Variants in HS2ST1 observed in about 807,000 individuals in gnomAD.
HS2ST1 encodes the protein 2-O-sulfotransferase.
HS2ST1 carries 18 observed loss-of-function variants against 42.9 expected under a neutral mutation model. That is an observed-to-expected ratio of 0.42 (90% CI 0.29 to 0.62). HS2ST1 has a LOEUF of 0.62. Among genes scored for constraint, HS2ST1 ranks in the 20% least tolerant of loss-of-function variants. The probability of loss-of-function intolerance (pLI) is 0.21; values close to 1 mark genes in which losing one functional copy is unlikely to be tolerated. For synonymous variants in HS2ST1, 146 were observed against 152.9 expected (o/e 0.95, Z 0.33); for missense variants, 334 against 433.8 (o/e 0.77, Z 2.04).
At chr1:86,916,926 C>T (rs1222514785) in intron 1 of HS2ST1, among the ~76,000 whole-genome samples, 2 of 152,094 alleles carry the variant, frequency 1.3e-5, no homozygotes, top group African/African-American at 4.8e-5. Context: ...ACATTTCTTT[C>T]CCCATATACT....
At position 87,109,652 on chromosome 1, in the gene HS2ST1, G is replaced by A. The variant is rs1416436537; in HGVS notation, c.*4956G>A. ...TCATTGCTTTGAGCAATGCTTGATT[G>A]ATTCTATTTATATTATATGATATTG... On this transcript the variant is annotated 3_prime_UTR_variant, in exon 7 of 7. Coordinates refer to ENST00000370550, the MANE Select transcript of HS2ST1 (RefSeq NM_012262.4). 2 of 151,786 alleles carry A rather than the reference G, an allele frequency of 1.3e-5. No individual in the cohort carries two copies. Among genetic ancestry groups the A allele is most frequent in the African/African-American group, 4.8e-5 (2 of 41,340 alleles). 9.4% of individuals were successfully genotyped at this position (151,786 alleles called of 1,614,324 possible).
At chr1:87,095,329 G>C (rs1433145331) in intron 4 of HS2ST1, among the ~76,000 whole-genome samples, 1 of 152,118 alleles carries the variant, frequency 6.6e-6, no homozygotes, top group African/African-American at 2.4e-5. Context: ...TAGATTCTTT[G>C]CACCTCAAGT....
At chr1:87,021,332 A>T (rs1649943564) in intron 1 of HS2ST1, among the ~76,000 whole-genome samples, 1 of 152,174 alleles carries the variant, frequency 6.6e-6, no homozygotes, top group Admixed American at 6.5e-5. Context: ...TCCCCCCTCT[A>T]GTCAATATTT....
At chr1:87,080,567 T>C (rs935469587) in intron 2 of HS2ST1, among the ~76,000 whole-genome samples, 1 of 151,942 alleles carries the variant, frequency 6.6e-6, no homozygotes, top group Non-Finnish European at 1.5e-5. Flanking sequence ...GAACATCAAA[T>C]TGAAAAACTA....
intron 3 of HS2ST1, among the ~76,000 whole-genome samples, chr1:87,089,457 T>A (rs1651887999): frequency 6.6e-6 from 1 of 152,040 alleles, no homozygotes; most frequent in South Asian, 2.1e-4. Context: ...TACCTGAGCT[T>A]TGTTGAGAAA....
intron 1 of HS2ST1, among the ~76,000 whole-genome samples, chr1:86,928,936 T>C (rs1660477784): frequency 6.6e-6 from 1 of 151,960 alleles, no homozygotes; most frequent in Admixed American, 6.6e-5. Context: ...ATAGATAAGA[T>C]GCCATCGTGT....
intron 2 of HS2ST1, 134 bp from the exon 3 acceptor site, chr1:87,084,060 C>G: frequency 1.9e-6 from 1 of 520,564 alleles, no homozygotes; most frequent in Non-Finnish European, 3.4e-6. Context: ...GTATACTTTC[C>G]TTAGTCCAAA....
chr1:87,027,750 C>T (rs1333963753), intron 1 of HS2ST1, among the ~76,000 whole-genome samples: 11 of 152,142 alleles, frequency 7.2e-5, no homozygotes, highest in Non-Finnish European at 8.8e-5. Context: ...TGCAGTGGCA[C>T]GATCTTGGCT....
intron 1 of HS2ST1, among the ~76,000 whole-genome samples, chr1:86,925,649 G>C (rs1193551560): frequency 6.6e-6 from 1 of 152,176 alleles, no homozygotes; most frequent in Non-Finnish European, 1.5e-5. Flanking sequence ...CATGAGAACA[G>C]AATGGGAAAG....
At chr1:87,025,996 T>TA (rs555801179) in intron 1 of HS2ST1, among the ~76,000 whole-genome samples, 15 of 152,310 alleles carry the variant, frequency 9.8e-5, no homozygotes, top group South Asian at 2.1e-4. Context: ...GATACTGTGT[T>TA]AAAAAAATAT....
chr1:87,021,576 A>G (rs1482402131), intron 1 of HS2ST1, among the ~76,000 whole-genome samples: 1 of 152,182 alleles, frequency 6.6e-6, no homozygotes, highest in Non-Finnish European at 1.5e-5. Context: ...GTACAATGGC[A>G]CAATCACTAC....
intron 1 of HS2ST1, among the ~76,000 whole-genome samples, chr1:87,060,541 T>C (rs1188511300): frequency 2.0e-5 from 3 of 152,128 alleles, no homozygotes; most frequent in Non-Finnish European, 4.4e-5. Context: ...TAAATGGGGA[T>C]AATAATTCTG....
intron 1 of HS2ST1, among the ~76,000 whole-genome samples, chr1:86,919,451 T>G: frequency 6.6e-6 from 1 of 152,234 alleles, no homozygotes; most frequent in African/African-American, 2.4e-5. Flanking sequence ...TACATTTGGC[T>G]CTTTAAACCA....
intron 1 of HS2ST1, among the ~76,000 whole-genome samples, chr1:86,937,185 C>T (rs1052330267): frequency 6.6e-5 from 10 of 151,852 alleles, no homozygotes; most frequent in Non-Finnish European, 8.8e-5. Context: ...CTGATATTCC[C>T]GAATTTAAAT....
chr1:86,932,712 T>C (rs897907010), intron 1 of HS2ST1, among the ~76,000 whole-genome samples: 2 of 152,158 alleles, frequency 1.3e-5, no homozygotes, highest in Non-Finnish European at 2.9e-5. Context: ...AAGTGGGATC[T>C]CTTTTCAAGG....
chr1:87,072,766 C>T (rs1441449532), intron 1 of HS2ST1, among the ~76,000 whole-genome samples, 168 bp from the exon 2 acceptor site: 4 of 152,120 alleles, frequency 2.6e-5, no homozygotes, highest in Non-Finnish European at 5.9e-5. Context: ...CAACTAGATC[C>T]TCTTAGAAAC....
intron 1 of HS2ST1, among the ~76,000 whole-genome samples, chr1:86,945,878 G>A (rs1236790711): frequency 6.6e-6 from 1 of 152,018 alleles, no homozygotes; most frequent in East Asian, 1.9e-4. Context: ...AGACCACCCT[G>A]GGCAGCATGG....
intron 1 of HS2ST1, among the ~76,000 whole-genome samples, chr1:86,939,792 G>A (rs934458447): frequency 3.3e-5 from 5 of 152,168 alleles, no homozygotes; most frequent in Non-Finnish European, 7.3e-5. Context: ...ATATTCTTGA[G>A]TTTGCCATGG....
intron 1 of HS2ST1, among the ~76,000 whole-genome samples, chr1:87,037,602 T>TC (rs1193030193): frequency 1.3e-5 from 2 of 151,788 alleles, no homozygotes; most frequent in African/African-American, 4.8e-5. Flanking sequence ...GTTGAATTTT[T>TC]TTTTTTTTTA....
Sources: allele counts gnomAD v4.1 joint callset (sites outside exome capture counted in the v4.1 genomes callset), GRCh38; gene constraint gnomAD v4.1.1; transcripts MANE v1.5; gene names NCBI Gene and HGNC (gene_info 2026-07-23, HGNC 2026-07-21).